The following LRRC4C variants were observed in gnomAD, a reference collection of about 807,000 sequenced individuals.
The protein encoded by LRRC4C is leucine rich repeat containing 4C.
Under a neutral mutation model 33.6 loss-of-function variants are expected in LRRC4C, and 5 were observed. The observed-to-expected ratio is 0.15, with a 90% CI of 0.08 to 0.31. The LOEUF is 0.31. Among genes scored for constraint, LRRC4C ranks in the 10% least tolerant of loss-of-function variants. The probability of loss-of-function intolerance (pLI) is 1.00; values close to 1 mark genes in which losing one functional copy is unlikely to be tolerated. For synonymous variants in LRRC4C, 329 were observed against 302.0 expected (o/e 1.09, Z -0.93); for missense variants, 560 against 796.7 (o/e 0.70, Z 3.58).
At chr11:40,325,056 T>C (rs1565274344) in intron 3 of LRRC4C, among the ~76,000 whole-genome samples, 1 of 152,106 alleles carries the variant, frequency 6.6e-6, no homozygotes, top group Non-Finnish European at 1.5e-5. Context: ...TATTACTTTA[T>C]TATTATTATT....
chr11:40,550,107 G>T (rs1265604819), intron 3 of LRRC4C, among the ~76,000 whole-genome samples: 1 of 152,048 alleles, frequency 6.6e-6, no homozygotes, highest in Non-Finnish European at 1.5e-5. Context: ...ATAGGTTACA[G>T]ATATCAAGGG....
At chr11:40,654,907 T>C (rs1423577756) in intron 2 of LRRC4C, among the ~76,000 whole-genome samples, 1 of 152,106 alleles carries the variant, frequency 6.6e-6, no homozygotes, top group Non-Finnish European at 1.5e-5. Context: ...GGTGAGTGAG[T>C]TCTCACAAGA....
intron 1 of LRRC4C, among the ~76,000 whole-genome samples, chr11:41,194,225 A>G (rs1028628937): frequency 2.2e-4 from 34 of 152,180 alleles, no homozygotes; most frequent in African/African-American, 8.2e-4. Context: ...TTGGTAAGGC[A>G]TTCAGTCAAC....
At chr11:40,711,154 G>A (rs1169004253) in intron 2 of LRRC4C, among the ~76,000 whole-genome samples, 1 of 152,206 alleles carries the variant, frequency 6.6e-6, no homozygotes, top group Non-Finnish European at 1.5e-5. Flanking sequence ...CTTCCCGGGT[G>A]AAGTGACGCC....
intron 2 of LRRC4C, among the ~76,000 whole-genome samples, chr11:40,883,235 G>A (rs953942671): frequency 2.0e-5 from 3 of 151,962 alleles, no homozygotes; most frequent in Non-Finnish European, 4.4e-5. Context: ...TCCCTGAGAT[G>A]CAACTCTAAA....
chr11:40,805,029 T>G (rs1012404338), intron 2 of LRRC4C, among the ~76,000 whole-genome samples: 3 of 152,216 alleles, frequency 2.0e-5, no homozygotes, highest in African/African-American at 7.2e-5. Context: ...ATATTTTAAT[T>G]GAGTGAGAAG....
chr11:41,142,610 C>T (rs1044833026), intron 1 of LRRC4C, among the ~76,000 whole-genome samples: 5 of 152,032 alleles, frequency 3.3e-5, no homozygotes, highest in African/African-American at 9.7e-5. Context: ...CAATTGAGTG[C>T]TTTGGGAGTA....
intron 1 of LRRC4C, among the ~76,000 whole-genome samples, chr11:41,154,767 T>A (rs1442838180): frequency 6.6e-6 from 1 of 152,174 alleles, no homozygotes; most frequent in Non-Finnish European, 1.5e-5. Flanking sequence ...CGACATACTT[T>A]AAATTATTCA....
chr11:41,254,700 A>T (rs1044524557), intron 1 of LRRC4C, among the ~76,000 whole-genome samples: 1 of 152,034 alleles, frequency 6.6e-6, no homozygotes, highest in Non-Finnish European at 1.5e-5. Context: ...GGTTTAAAAC[A>T]GCCCCTGCTG....
chr11:40,942,024 G>T (rs1958173839), intron 1 of LRRC4C, among the ~76,000 whole-genome samples: 1 of 152,166 alleles, frequency 6.6e-6, no homozygotes, highest in Admixed American at 6.6e-5. Context: ...GTGAGCAGGT[G>T]AATAAGGGAG....
At chr11:41,156,775 G>A (rs1444972009) in intron 1 of LRRC4C, among the ~76,000 whole-genome samples, 1 of 152,030 alleles carries the variant, frequency 6.6e-6, no homozygotes, top group Admixed American at 6.6e-5. Context: ...CTGGGGAGGT[G>A]AGATTTGAGT....
intron 3 of LRRC4C, among the ~76,000 whole-genome samples, chr11:40,431,332 T>A (rs2137854351): frequency 6.8e-6 from 1 of 147,326 alleles, no homozygotes; most frequent in African/African-American, 2.5e-5. Context: ...GAGGCAGAGG[T>A]TGCAGTGAGC....
intron 3 of LRRC4C, among the ~76,000 whole-genome samples, chr11:40,449,836 A>G (rs980795579): frequency 2.0e-5 from 3 of 152,206 alleles, no homozygotes; most frequent in African/African-American, 7.2e-5. Context: ...GCAAAACAGC[A>G]TTAAAGTTCA....
intron 3 of LRRC4C, among the ~76,000 whole-genome samples, chr11:40,363,110 T>C (rs563080738): frequency 1.3e-5 from 2 of 152,302 alleles, no homozygotes; most frequent in Non-Finnish European, 2.9e-5. Context: ...TGCATGCATA[T>C]GTTCATTGCA....
chr11:41,246,261 C>T (rs981518995), intron 1 of LRRC4C, among the ~76,000 whole-genome samples: 1 of 152,176 alleles, frequency 6.6e-6, no homozygotes, highest in African/African-American at 2.4e-5. Flanking sequence ...CCAGAGTGGG[C>T]TGATGCAGCA....
chr11:41,065,542 C>A (rs1456587084), intron 1 of LRRC4C, among the ~76,000 whole-genome samples: 1 of 152,186 alleles, frequency 6.6e-6, no homozygotes, highest in Non-Finnish European at 1.5e-5. Context: ...GGGCATTCTC[C>A]CAGCATAGCG....
chr11:41,438,091 A>G (rs1955499961), intron 1 of LRRC4C, among the ~76,000 whole-genome samples: 2 of 151,746 alleles, frequency 1.3e-5, no homozygotes, highest in African/African-American at 4.8e-5. Context: ...AATAATTACA[A>G]TATGGTACCT....
At position 41,325,576 on chromosome 11, in the gene LRRC4C, TTTGTG is replaced by T. The variant is rs1201384827; in HGVS notation, c.-496+133850_-496+133854del. Among the ~76,000 whole-genome samples the T allele has an allele frequency of 2.3e-3, 149 of 65,524 alleles. 2 individuals are homozygous for T. The highest frequency in any genetic ancestry group is 3.8e-3 in the Non-Finnish European group (98 of 25,956). The allele number at this position is 65,524 out of a possible 152,430, so 43.0% of individuals were successfully genotyped here. On this transcript the variant is annotated intron_variant, in intron 1 of 6. Coordinates refer to ENST00000528697, the MANE Select transcript of LRRC4C (RefSeq NM_001258419.2). ...ATTATTGTCCTTATAGTTTTTTTTT[TTTGTG>T]TGTGTGTGTGTGTGTGTGTGTGTGT... is the stretch of plus-strand genomic sequence containing the variant.
intron 2 of LRRC4C, among the ~76,000 whole-genome samples, chr11:40,744,117 G>A (rs757394416): frequency 6.6e-5 from 10 of 152,050 alleles, no homozygotes; most frequent in Non-Finnish European, 1.0e-4. Context: ...GTACACTAGG[G>A]ATATGGAAGG....
Sources: gnomAD v4.1 joint callset for allele counts (sites outside exome capture counted in the v4.1 genomes callset) on GRCh38, gnomAD v4.1.1 for gene constraint, MANE v1.5 for transcripts, NCBI Gene and HGNC (gene_info 2026-07-23, HGNC 2026-07-21) for gene names.